The following UBASH3B variants were observed in gnomAD, a reference collection of about 807,000 sequenced individuals.
The protein encoded by UBASH3B is ubiquitin-associated and SH3 domain-containing protein B.
A neutral mutation model predicts 83.4 loss-of-function variants in UBASH3B; 37 were observed. The observed-to-expected ratio is 0.44, with a 90% confidence interval of 0.34 to 0.58. The LOEUF (loss-of-function observed/expected upper bound fraction) is 0.58. Ranked by LOEUF, UBASH3B falls within the 20% of genes least tolerant of loss-of-function variation. The pLI is 0.01. For synonymous variants in UBASH3B, 304 were observed against 318.3 expected, an observed-to-expected ratio of 0.96 and a Z score of 0.48; for missense variants, 657 against 827.2, an observed-to-expected ratio of 0.79 and a Z score of 2.52.
chr11:122,768,598 C>G (rs570356024), intron 1 of UBASH3B, among the ~76,000 whole-genome samples: 7 of 151,742 alleles, frequency 4.6e-5, no homozygotes, highest in Non-Finnish European at 8.8e-5. Context: ...TTCTGCCTCC[C>G]TGGTTCAAGT....
chr11:122,744,743 TTG>T, intron 1 of UBASH3B, among the ~76,000 whole-genome samples: 1 of 152,026 alleles, frequency 6.6e-6, no homozygotes, highest in East Asian at 1.9e-4. Context: ...TTGTGTGTGA[TTG>T]TGTCAGTGTG....
At chr11:122,760,363 T>TTG (rs1861350215) in intron 1 of UBASH3B, among the ~76,000 whole-genome samples, 1 of 151,732 alleles carries the variant, frequency 6.6e-6, no homozygotes, top group Admixed American at 6.6e-5. Context: ...TTTTTTTTTT[T>TTG]TTGTTATTGT....
Position 122,810,926 on chromosome 11 carries a change from C to T in UBASH3B, c.*1040C>T, listed in dbSNP as rs766186338. On this transcript the variant is annotated 3_prime_UTR_variant, in exon 14 of 14. Transcript: ENST00000284273. ...TACGTGTCAACCATAATGGAACATC[C>T]ACAAATGCATCAATTATACCAGGGA... 6.6e-5 allele frequency: 10 copies of T among 152,110 alleles called. No homozygotes were observed. Among genetic ancestry groups the T allele is most frequent in the Non-Finnish European group, 1.5e-4 (10 of 68,024 alleles). 9.4% of individuals were successfully genotyped at this position (152,110 alleles called of 1,614,324 possible). A position where few individuals can be genotyped will look rare whatever the true frequency, so the allele number is the denominator to read the frequency against.
chr11:122,774,026 GTGT>G (rs931897989), intron 1 of UBASH3B: 2 of 984,848 alleles, frequency 2.0e-6, no homozygotes, highest in Non-Finnish European at 1.2e-6. Context: ...GTCATGATTT[GTGT>G]TGTTTTGTGC....
chr11:122,658,221 G>A (rs960033518), intron 1 of UBASH3B, among the ~76,000 whole-genome samples: 3 of 150,668 alleles, frequency 2.0e-5, no homozygotes, highest in African/African-American at 7.3e-5. Flanking sequence ...GGGGAAGTCA[G>A]CTGGGGAATG....
rs1441731732 is a variant in UBASH3B, at chr11:122,811,260, G to T, written c.*1374G>T. The T allele has an allele frequency of 6.6e-6, 1 of 152,654 alleles. No individual in the cohort carries two copies. The highest frequency in any genetic ancestry group is 2.4e-5 in the African/African-American group (1 of 41,450). The allele number at this position is 152,654 out of a possible 1,614,324, so 9.5% of individuals were successfully genotyped here. On this transcript the variant is annotated 3_prime_UTR_variant, in exon 14 of 14. Coordinates refer to ENST00000284273, the MANE Select transcript of UBASH3B (RefSeq NM_032873.5). ...CTATGGTATAGTTCACTCTGTAGAA[G>T]ATGTATGCAAAGTGAAATGCCAGCC...
At chr11:122,698,097 G>C (rs1215880521) in intron 1 of UBASH3B, among the ~76,000 whole-genome samples, 1 of 152,154 alleles carries the variant, frequency 6.6e-6, no homozygotes, top group Non-Finnish European at 1.5e-5. Context: ...AAACCAGGGT[G>C]GTGGAATGAC....
chr11:122,805,031 CTG>C (rs566668313), intron 11 of UBASH3B, among the ~76,000 whole-genome samples: 29 of 152,256 alleles, frequency 1.9e-4, no homozygotes, highest in African/African-American at 6.3e-4. Context: ...CTCTTCCATG[CTG>C]TGTTAGTTCG....
intron 1 of UBASH3B, among the ~76,000 whole-genome samples, chr11:122,658,936 A>G (rs1863397831): frequency 6.6e-6 from 1 of 152,226 alleles, no homozygotes; most frequent in Admixed American, 6.5e-5. Context: ...TCAAGGCATC[A>G]GCAGGGCCGT....
chr11:122,655,988 C>G lies in UBASH3B; in HGVS notation c.-62C>G. 7.0e-7 allele frequency: 1 copy of G among 1,422,790 alleles called. No homozygotes were observed. The highest frequency in any genetic ancestry group is 1.4e-5 in the South Asian group (1 of 69,200). The allele number at this position is 1,422,790 out of a possible 1,614,324, so 88.1% of individuals were successfully genotyped here. ...CCCCTCCCCTGGCCCAGCCCGACTCCCTCCTCCTTCCCGAACCATCCGGCT... is the reference window on the plus strand; with the variant it reads ...CCCCTCCCCTGGCCCAGCCCGACTCGCTCCTCCTTCCCGAACCATCCGGCT... On this transcript the variant is annotated 5_prime_UTR_variant, in exon 1 of 14. Transcript: ENST00000284273.
chr11:122,787,356 G>A (rs570401231), intron 5 of UBASH3B, among the ~76,000 whole-genome samples: 1 of 152,244 alleles, frequency 6.6e-6, no homozygotes, highest in South Asian at 2.1e-4. Flanking sequence ...GAATAAGGAG[G>A]CAATCAGAGC....
chr11:122,794,619 T>C, intron 6 of UBASH3B, 83 bp from the exon 7 acceptor site: 10 of 1,579,540 alleles, frequency 6.3e-6, no homozygotes, highest in Non-Finnish European at 8.6e-6. Flanking sequence ...TTGAGTTAAC[T>C]CCCACACTCC....
At chr11:122,771,231 GCT>G (rs1491267605) in intron 1 of UBASH3B, among the ~76,000 whole-genome samples, 3 of 90,064 alleles carry the variant, frequency 3.3e-5, no homozygotes, top group Non-Finnish European at 7.3e-5. Flanking sequence ...CTCTTACTTT[GCT>G]TTTTTTTTTT....
At chr11:122,701,005 C>T (rs186353119) in intron 1 of UBASH3B, among the ~76,000 whole-genome samples, 58 of 152,246 alleles carry the variant, frequency 3.8e-4, no homozygotes, top group African/African-American at 1.3e-3. Flanking sequence ...CGTCTCATCA[C>T]AAAAAGAACA....
At chr11:122,737,317 C>T (rs1319265570) in intron 1 of UBASH3B, among the ~76,000 whole-genome samples, 6 of 151,910 alleles carry the variant, frequency 3.9e-5, no homozygotes, top group African/African-American at 4.8e-5. Flanking sequence ...GTTGTCAAAG[C>T]GAGGGGTGAT....
At chr11:122,742,891 G>A in intron 1 of UBASH3B, among the ~76,000 whole-genome samples, 1 of 152,204 alleles carries the variant, frequency 6.6e-6, no homozygotes, top group East Asian at 1.9e-4. Flanking sequence ...TTATGTAAAT[G>A]GAGTGACCCC....
At chr11:122,712,912 T>A (rs993577742) in intron 1 of UBASH3B, among the ~76,000 whole-genome samples, 4 of 129,686 alleles carry the variant, frequency 3.1e-5, no homozygotes, top group Admixed American at 7.8e-5. Context: ...TTTTTTTTTT[T>A]TTTTTTTTTT....
intron 1 of UBASH3B, among the ~76,000 whole-genome samples, chr11:122,666,951 A>G (rs1003127166): frequency 1.3e-5 from 2 of 150,002 alleles, no homozygotes; most frequent in African/African-American, 4.9e-5. Flanking sequence ...TAAGGGGATT[A>G]CCCCAAATCA....
chr11:122,773,881 A>G (rs1860689363), intron 1 of UBASH3B: 1 of 739,656 alleles, frequency 1.4e-6, no homozygotes, highest in Non-Finnish European at 1.7e-6. Flanking sequence ...GGTGTAGAAA[A>G]AAAGAAATTG....
Sources: gnomAD v4.1 joint callset for allele counts (sites outside exome capture counted in the v4.1 genomes callset) on GRCh38, gnomAD v4.1.1 for gene constraint, MANE v1.5 for transcripts, NCBI Gene and HGNC (gene_info 2026-07-23, HGNC 2026-07-21) for gene names.